Variants in CCDC152 observed in about 807,000 individuals in gnomAD.
CCDC152 encodes the protein coiled-coil domain containing 152.
CCDC152 carries 37 observed loss-of-function variants against 38.1 expected under a neutral mutation model. The observed-to-expected ratio is 0.97, with a 90% CI of 0.75 to 1.28. CCDC152 has a LOEUF of 1.28. Ranked by LOEUF, CCDC152 falls within the 50% of genes most tolerant of loss-of-function variation. CCDC152 has a pLI of 0.00. For synonymous variants in CCDC152, 83 were observed against 87.1 expected, an observed-to-expected ratio of 0.95 and a Z score of 0.26; for missense variants, 259 against 292.1, an observed-to-expected ratio of 0.89 and a Z score of 0.83.
chr5:42,763,863 T>G (rs908758719), intron 3 of CCDC152, among the ~76,000 whole-genome samples: 23 of 151,882 alleles, frequency 1.5e-4, no homozygotes, highest in Admixed American at 1.1e-3. Flanking sequence ...AAATGTAGGG[T>G]TTTTATTTTT....
chr5:42,781,257 T>C (rs1437610521), intron 5 of CCDC152, among the ~76,000 whole-genome samples: 1 of 152,194 alleles, frequency 6.6e-6, no homozygotes, highest in African/African-American at 2.4e-5. Flanking sequence ...AATCTAGATA[T>C]ATAGAAAATG....
rs1759566084 is a variant in CCDC152, at chr5:42,762,531, A to C, written c.176A>C (p.Glu59Ala). 2.6e-6 allele frequency: 4 copies of C among 1,523,542 alleles called. No individual in the cohort carries two copies. The East Asian group carries it at 7.4e-5, about 28-fold the overall frequency. 94.4% of individuals were successfully genotyped at this position (1,523,542 alleles called of 1,614,324 possible). ...NCLLKVMQAKEVSIKEECATL... is the reference protein window; with the variant it reads ...NCLLKVMQAKAVSIKEECATL... ...CTATTAAAAGTAATGCAAGCAAAGGAGGTCTCCATTAAAGAAGGTTAGTTA... is the reference window on the plus strand; with the variant it reads ...CTATTAAAAGTAATGCAAGCAAAGGCGGTCTCCATTAAAGAAGGTTAGTTA... The change falls in exon 3 of 9, where the codon GAG (glutamate) becomes GCG (alanine). Residue 59 changes from glutamate to alanine, a missense_variant. Coordinates refer to ENST00000361970, the MANE Select transcript of CCDC152 (RefSeq NM_001134848.2).
Position 42,778,771 on chromosome 5 carries a change from C to T in CCDC152, c.263-687C>T, listed in dbSNP as rs531883483. Reference sequence around the variant, plus strand: ...TTACTGATCTCCATTCCTCTAGGGTCAAAACCCTCTCATTCATCATCCACA... The same window carrying T: ...TTACTGATCTCCATTCCTCTAGGGTTAAAACCCTCTCATTCATCATCCACA... On this transcript the variant is annotated intron_variant, in intron 4 of 8. Transcript: ENST00000361970. 2.0e-5 allele frequency among the ~76,000 whole-genome samples: 3 copies of T among 152,228 alleles called. No individual in the cohort carries two copies. The South Asian group carries it at 6.2e-4, about 32-fold the overall frequency.
At chr5:42,770,397 G>C (rs1186970060) in intron 4 of CCDC152, among the ~76,000 whole-genome samples, 1 of 152,218 alleles carries the variant, frequency 6.6e-6, no homozygotes, top group East Asian at 1.9e-4. Flanking sequence ...GGGCACTCAT[G>C]CTCCTATTTC....
At chr5:42,762,320 T>C in intron 2 of CCDC152, 123 bp from the exon 3 acceptor site, 1 of 600,098 alleles carries the variant, frequency 1.7e-6, no homozygotes, top group Admixed American at 3.1e-5. Context: ...ACTGTATATG[T>C]ATTTTTTTAT....
Position 42,799,645 on chromosome 5 carries a change from T to G in CCDC152, c.643-14T>G. The G allele has an allele frequency of 6.6e-7, 1 of 1,521,456 alleles. No individual in the cohort carries two copies. Among genetic ancestry groups the G allele is most frequent in the Non-Finnish European group, 8.8e-7 (1 of 1,131,366 alleles). The allele number at this position is 1,521,456 out of a possible 1,614,324, so 94.2% of individuals were successfully genotyped here. A position where few individuals can be genotyped will look rare whatever the true frequency, so the allele number is the denominator to read the frequency against. On this transcript the variant is annotated splice_polypyrimidine_tract_variant and intron_variant, in intron 8 of 8. Transcript: ENST00000361970. ...ATTTCTGAATTCTAATAACAAATTT[T>G]TTGTTTCGTTTAGAAACTTCAGCAT...
intron 6 of CCDC152, among the ~76,000 whole-genome samples, chr5:42,786,096 G>T (rs1290439405): frequency 6.6e-6 from 1 of 152,026 alleles, no homozygotes; most frequent in Non-Finnish European, 1.5e-5. Flanking sequence ...GTCCTTGCCA[G>T]ATTTTGGTAT....
At position 42,769,628 on chromosome 5, in the gene CCDC152, G is replaced by T; in HGVS notation, c.225G>T (p.Gly75=). The change falls in exon 4 of 9, where the codon GGG becomes GGT. Residue 75 remains glycine, a synonymous_variant. Coordinates refer to ENST00000361970, the MANE Select transcript of CCDC152 (RefSeq NM_001134848.2). ...ECATLHNIIK[G]LQQTIEYQQN... is the part of the protein sequence containing the mutation. ...CTACTCTTCATAATATAATAAAAGG[G>T]CTACAACAGACCATTGAATATCAAC... is the stretch of plus-strand genomic sequence containing the variant. 6.7e-7 allele frequency: 1 copy of T among 1,485,728 alleles called. No individual in the cohort carries two copies. The highest frequency in any genetic ancestry group is 2.6e-5 in the East Asian group (1 of 38,050). 92.0% of individuals were successfully genotyped at this position (1,485,728 alleles called of 1,614,324 possible).
chr5:42,767,658 T>C (rs1325452281), intron 3 of CCDC152, among the ~76,000 whole-genome samples: 1 of 152,250 alleles, frequency 6.6e-6, no homozygotes, highest in Admixed American at 6.5e-5. Context: ...GTGAAGAATT[T>C]ATCTATGCTC....
intron 6 of CCDC152, among the ~76,000 whole-genome samples, chr5:42,787,566 G>T (rs1056334113): frequency 2.0e-5 from 3 of 151,900 alleles, no homozygotes; most frequent in Non-Finnish European, 4.4e-5. Context: ...ATAAATCTGG[G>T]TGTTCCAGTG....
At chr5:42,757,169 A>G (rs995940075) in intron 1 of CCDC152, among the ~76,000 whole-genome samples, 1 of 152,046 alleles carries the variant, frequency 6.6e-6, no homozygotes, top group African/African-American at 2.4e-5. Flanking sequence ...CTTCTCTCAC[A>G]TCCGCGGGTC....
chr5:42,781,532 C>T (rs1759844344), intron 5 of CCDC152, among the ~76,000 whole-genome samples: 1 of 150,220 alleles, frequency 6.7e-6, no homozygotes, highest in Non-Finnish European at 1.5e-5. Flanking sequence ...TATGAATCCT[C>T]ACTGAGAAAA....
At chr5:42,797,441 C>A (rs1472037606) in intron 7 of CCDC152, among the ~76,000 whole-genome samples, 1 of 152,160 alleles carries the variant, frequency 6.6e-6, no homozygotes, top group Admixed American at 6.5e-5. Context: ...AACCTATTCT[C>A]CAACTTACTA....
Position 42,800,948 on chromosome 5 carries a change from A to G in CCDC152, c.*1167A>G, listed in dbSNP as rs980431185. ...CAGACCCTGTTTTTTCAAATATCAG[A>G]TGTCGACAATGGCAGCATCAGCTCC... On this transcript the variant is annotated 3_prime_UTR_variant, in exon 9 of 9. Transcript: ENST00000361970. The G allele has an allele frequency of 1.1e-5, 17 of 1,614,112 alleles. No homozygotes were observed. The highest frequency in any genetic ancestry group is 1.3e-5 in the Non-Finnish European group (15 of 1,180,050).
In CCDC152 at chr5:42,800,342, A is replaced by G. The variant is rs1183598056; in HGVS notation, c.*561A>G. 1 of 164,928 alleles carries G rather than the reference A, an allele frequency of 6.1e-6. No homozygotes were observed. The highest frequency in any genetic ancestry group is 1.3e-5 in the Non-Finnish European group (1 of 76,858). The allele number at this position is 164,928 out of a possible 1,614,324, so 10.2% of individuals were successfully genotyped here. A position where few individuals can be genotyped will look rare whatever the true frequency, so the allele number is the denominator to read the frequency against. The stretch of plus-strand genomic sequence containing the variant: ...AGACAAAGTAATATTGTTTTGAGAG[A>G]TAAGTAAAGAAAAAAATGGAAAGCA... On this transcript the variant is annotated 3_prime_UTR_variant, in exon 9 of 9. Coordinates refer to ENST00000361970, the MANE Select transcript of CCDC152 (RefSeq NM_001134848.2).
intron 6 of CCDC152, among the ~76,000 whole-genome samples, chr5:42,795,162 A>T (rs985504999): frequency 1.3e-5 from 2 of 152,220 alleles, no homozygotes; most frequent in Non-Finnish European, 2.9e-5. Flanking sequence ...CTTTCAATAT[A>T]CCTAAAATAC....
At chr5:42,790,403 A>C (rs1234987997) in intron 6 of CCDC152, among the ~76,000 whole-genome samples, 1 of 152,242 alleles carries the variant, frequency 6.6e-6, no homozygotes, top group Non-Finnish European at 1.5e-5. Context: ...TGCCATGTTG[A>C]TAATGCCAAA....
intron 3 of CCDC152, among the ~76,000 whole-genome samples, chr5:42,763,967 T>G (rs1040217743): frequency 6.6e-6 from 1 of 152,168 alleles, no homozygotes; most frequent in Admixed American, 6.5e-5. Context: ...TAATAAACTT[T>G]TTGGAGCAGT....
intron 6 of CCDC152, among the ~76,000 whole-genome samples, chr5:42,795,390 C>T (rs1760060855): frequency 6.6e-6 from 1 of 152,216 alleles, no homozygotes. Flanking sequence ...AAGTAAAATT[C>T]GCAGAACTAG....
Sources: gnomAD v4.1 joint callset for allele counts (sites outside exome capture counted in the v4.1 genomes callset) on GRCh38, gnomAD v4.1.1 for gene constraint, MANE v1.5 for transcripts, NCBI Gene and HGNC (gene_info 2026-07-23, HGNC 2026-07-21) for gene names.